Variants in DCUN1D4 observed in about 807,000 individuals in gnomAD.
DCUN1D4 encodes defective in cullin neddylation 1 domain containing 4, also known as DCN1-like protein 4.
A neutral mutation model predicts 47.9 loss-of-function variants in DCUN1D4; 22 were observed. That is an observed-to-expected ratio of 0.46 (90% CI 0.33 to 0.66). The LOEUF is 0.66. DCUN1D4 is among the 30% of genes least tolerant of loss of function. DCUN1D4 has a pLI of 0.02. For synonymous variants in DCUN1D4, 121 were observed against 112.2 expected (o/e 1.08, Z -0.50); for missense variants, 301 against 340.8 (o/e 0.88, Z 0.92).
intron 1 of DCUN1D4, among the ~76,000 whole-genome samples, chr4:51,854,190 C>T (rs1190806874): frequency 6.6e-6 from 1 of 152,110 alleles, no homozygotes; most frequent in Non-Finnish European, 1.5e-5. Context: ...AGACCTGTGC[C>T]ATGTCATGTA....
intron 1 of DCUN1D4, among the ~76,000 whole-genome samples, chr4:51,856,664 T>C (rs183189464): frequency 1.3e-5 from 2 of 152,298 alleles, no homozygotes; most frequent in Admixed American, 1.3e-4. Flanking sequence ...CATAGCTAGC[T>C]CTCTGACTCC....
At chr4:51,887,956 C>A (rs1336299207) in intron 6 of DCUN1D4, among the ~76,000 whole-genome samples, 1 of 150,494 alleles carries the variant, frequency 6.6e-6, no homozygotes, top group Admixed American at 6.6e-5. Flanking sequence ...AATAAATTAC[C>A]CAACTTGGCA....
intron 1 of DCUN1D4, among the ~76,000 whole-genome samples, chr4:51,862,034 A>T (rs926400628): frequency 1.3e-5 from 2 of 152,222 alleles, no homozygotes; most frequent in South Asian, 4.1e-4. Context: ...ACTTTATGTC[A>T]TCATTTACCT....
chr4:51,873,387 G>A (rs936512364), intron 3 of DCUN1D4, among the ~76,000 whole-genome samples: 4 of 152,200 alleles, frequency 2.6e-5, no homozygotes, highest in African/African-American at 9.7e-5. Flanking sequence ...GTACCAAGGT[G>A]GGGTATTTTA....
chr4:51,884,784 G>C (rs1223547339), intron 5 of DCUN1D4: 2 of 152,276 alleles, frequency 1.3e-5, no homozygotes, highest in Non-Finnish European at 2.9e-5. Context: ...TGCAGGTGGG[G>C]AGATTGTGAG....
chr4:51,891,849 C>T lies in DCUN1D4; in HGVS notation c.504C>T (p.Leu168=). ...AGTGGTTAAAAGGAATGACTTCTCTCCAGTAAGTCCTAGGCTGCACTAGTG... is the reference window on the plus strand; with the variant it reads ...AGTGGTTAAAAGGAATGACTTCTCTTCAGTAAGTCCTAGGCTGCACTAGTG... ...LQEWLKGMTS[L]QCDTTEKLRN... The change falls in exon 7 of 11, where the codon CTC becomes CTT. Residue 168 remains leucine, a splice_region_variant and synonymous_variant. Coordinates refer to ENST00000334635, the MANE Select transcript of DCUN1D4 (RefSeq NM_001040402.3). The T allele has an allele frequency of 6.2e-7, 1 of 1,608,448 alleles. No individual in the cohort carries two copies. The highest frequency in any genetic ancestry group is 8.5e-7 in the Non-Finnish European group (1 of 1,176,780).
chr4:51,893,220 A>T, intron 7 of DCUN1D4, among the ~76,000 whole-genome samples: 1 of 152,222 alleles, frequency 6.6e-6, no homozygotes, highest in East Asian at 1.9e-4. Context: ...ATGACAAATG[A>T]GTTTTAGGTA....
At chr4:51,881,118 A>G (rs1385690916) in intron 5 of DCUN1D4, among the ~76,000 whole-genome samples, 8 of 151,968 alleles carry the variant, frequency 5.3e-5, no homozygotes, top group Non-Finnish European at 7.4e-5. Context: ...ACAGAGTGAG[A>G]CTCCGTCTCA....
At chr4:51,901,690 T>TG (rs1732147151) in intron 8 of DCUN1D4, among the ~76,000 whole-genome samples, 1 of 152,224 alleles carries the variant, frequency 6.6e-6, no homozygotes, top group South Asian at 2.1e-4. Context: ...TACATACCCC[T>TG]GGTGTCTCCT....
At chr4:51,869,470 TA>T (rs1486953970) in intron 3 of DCUN1D4, among the ~76,000 whole-genome samples, 1 of 152,218 alleles carries the variant, frequency 6.6e-6, no homozygotes, top group Non-Finnish European at 1.5e-5. Context: ...ATCAGCTCAC[TA>T]AAATGAAACA....
intron 3 of DCUN1D4, among the ~76,000 whole-genome samples, chr4:51,870,660 C>G (rs947055568): frequency 1.3e-5 from 2 of 152,150 alleles, no homozygotes; most frequent in Non-Finnish European, 2.9e-5. Context: ...CACAAGTGAA[C>G]CAAACAGGAC....
chr4:51,850,936 G>C (rs1374820076), intron 1 of DCUN1D4, among the ~76,000 whole-genome samples: 1 of 152,138 alleles, frequency 6.6e-6, no homozygotes. Context: ...AGAGGCTGGG[G>C]TGCTTAGAGT....
rs1275765534 is a variant in DCUN1D4, at chr4:51,915,207, AACC to A, written c.*1628_*1630del. The stretch of plus-strand genomic sequence containing the variant: ...CATTTTCATATTTTTTCCCTAACTA[AACC>A]ACCAAAGAAAGAAATTTTGTATGTA... On this transcript the variant is annotated 3_prime_UTR_variant, in exon 11 of 11. Coordinates refer to ENST00000334635, the MANE Select transcript of DCUN1D4 (RefSeq NM_001040402.3). 5.9e-5 allele frequency: 9 copies of A among 152,552 alleles called. No homozygotes were observed. Among genetic ancestry groups the A allele is most frequent in the Admixed American group, 5.9e-4 (9 of 15,256 alleles). The allele number at this position is 152,552 out of a possible 1,614,324, so 9.4% of individuals were successfully genotyped here.
chr4:51,840,383 A>T (rs1721599085), upstream of DCUN1D4, among the ~76,000 whole-genome samples: 1 of 152,236 alleles, frequency 6.6e-6, no homozygotes, highest in Admixed American at 6.5e-5. Flanking sequence ...TAACTTTCAG[A>T]TGGGAAGGGA....
rs1042994451 is a variant in DCUN1D4, at chr4:51,913,447, T to C, written c.823+55T>C. On this transcript the variant is annotated intron_variant, in intron 10 of 10. Transcript: ENST00000334635. ...CGTGTACATTTCTATATCATCCTCA[T>C]TGGGAAAAGCCTCAGCTACATTACT... 17 of 1,578,020 alleles carry C rather than the reference T, an allele frequency of 1.1e-5. No homozygotes were observed. In the East Asian group the frequency reaches 2.9e-4, roughly 27 times the overall value.
At chr4:51,843,292 G>T (rs1406485314) in intron 1 of DCUN1D4, 25 bp downstream of exon 1, 27 of 1,515,030 alleles carry the variant, frequency 1.8e-5, no homozygotes, top group Non-Finnish European at 2.4e-5. Context: ...GCCAGCCAGC[G>T]GGCCGGGGCC....
At chr4:51,877,703 C>T (rs1210237217) in intron 4 of DCUN1D4, 60 bp from the exon 5 acceptor site, 1 of 999,840 alleles carries the variant, frequency 1.0e-6, no homozygotes, top group African/African-American at 1.6e-5. Flanking sequence ...TATAAATTAT[C>T]TGCTACTTTA....
Position 51,863,677 on chromosome 4 carries a change from C to A in DCUN1D4, c.104C>A (p.Thr35Lys). Reference sequence around the variant, plus strand: ...CGAACATATTTCTTTCAGAACCTAACAGAAGACATTGGCCAAGACGATCAC... The same window carrying A: ...CGAACATATTTCTTTCAGAACCTAAAAGAAGACATTGGCCAAGACGATCAC... The part of the protein sequence containing the change: ...IYHTLNKLNL[T>K]EDIGQDDHQT... The change falls in exon 3 of 11, where the codon ACA becomes AAA. Residue 35 changes from threonine (T) to lysine (K), a missense_variant. This residue lies in a region of DCUN1D4 where 131 missense variants were observed against 106.3 expected (regional missense o/e 1.23). Coordinates refer to ENST00000334635, the MANE Select transcript of DCUN1D4 (RefSeq NM_001040402.3). 1 of 1,613,500 alleles carries A rather than the reference C, an allele frequency of 6.2e-7. No homozygotes were observed. Among genetic ancestry groups the A allele is most frequent in the Non-Finnish European group, 8.5e-7 (1 of 1,179,810 alleles).
At chr4:51,907,464 T>C (rs564251993) in intron 8 of DCUN1D4, among the ~76,000 whole-genome samples, 11 of 152,338 alleles carry the variant, frequency 7.2e-5, no homozygotes, top group East Asian at 1.9e-4. Flanking sequence ...ATTTTCTCTA[T>C]GTCTGTTTTT....
Sources: gnomAD v4.1 joint callset for allele counts (sites outside exome capture counted in the v4.1 genomes callset) on GRCh38, gnomAD v4.1.1 for gene constraint, gnomAD v4.1.1 regional missense constraint, MANE v1.5 for transcripts, NCBI Gene and HGNC (gene_info 2026-07-23, HGNC 2026-07-21) for gene names.